Variants in TASP1 observed in about 807,000 individuals in gnomAD.
TASP1 encodes the protein threonine aspartase 1.
A neutral mutation model predicts 56.6 loss-of-function variants in TASP1; 16 were observed. That is an observed-to-expected ratio of 0.28 (90% CI 0.19 to 0.43). The LOEUF is 0.43. TASP1 is among the 20% of genes least tolerant of loss of function. TASP1 has a pLI of 1.00. For synonymous variants in TASP1, 179 were observed against 184.2 expected, an observed-to-expected ratio of 0.97 and a Z score of 0.23; for missense variants, 393 against 511.6, an observed-to-expected ratio of 0.77 and a Z score of 2.24.
chr20:13,576,634 C>A (rs4814246), intron 6 of TASP1, among the ~76,000 whole-genome samples: 91,697 of 151,890 alleles, frequency 0.6, 28,476 homozygotes, highest in Non-Finnish European at 0.68. Flanking sequence ...CAGTTGGGAG[C>A]GTTTAAAAAT....
intron 4 of TASP1, among the ~76,000 whole-genome samples, chr20:13,595,439 T>C (rs1347909460): frequency 6.6e-6 from 1 of 152,132 alleles, no homozygotes; most frequent in African/African-American, 2.4e-5. Flanking sequence ...GCAAATTGTA[T>C]AAAGAGTCAA....
At chr20:13,407,946 T>C (rs560884907) in intron 13 of TASP1, among the ~76,000 whole-genome samples, 1 of 152,324 alleles carries the variant, frequency 6.6e-6, no homozygotes, top group Non-Finnish European at 1.5e-5. Flanking sequence ...GTAAGAGTTC[T>C]ATATATGTTC....
chr20:13,299,652 C>T, the TASP1 span: 3 of 553,662 alleles, frequency 5.4e-6, no homozygotes, highest in Non-Finnish European at 9.3e-6. This position sits in a 1 kb window ranked among gnomAD's most constrained non-coding sequence, Gnocchi z 5.8. Context: ...GCCGCCCTCG[C>T]CATCTGCAGA....
At chr20:13,191,543 T>A in the TASP1 span, among the ~76,000 whole-genome samples, 1 of 152,270 alleles carries the variant, frequency 6.6e-6, no homozygotes, top group East Asian at 1.9e-4. Flanking sequence ...AAACGTTGGT[T>A]ACATAGAAGT....
intron 4 of TASP1, among the ~76,000 whole-genome samples, chr20:13,597,571 T>C (rs1430885623): frequency 6.6e-6 from 1 of 152,114 alleles, no homozygotes; most frequent in African/African-American, 2.4e-5. Context: ...CCACAGCCAA[T>C]ATCATACTGG....
the TASP1 span, among the ~76,000 whole-genome samples, chr20:13,245,025 A>G: frequency 6.6e-6 from 1 of 152,374 alleles, no homozygotes; most frequent in African/African-American, 2.4e-5. Flanking sequence ...AAGAAAGAAC[A>G]TGCACAACTT....
chr20:13,485,999 G>C (rs1487392016), intron 10 of TASP1, among the ~76,000 whole-genome samples: 2 of 152,134 alleles, frequency 1.3e-5, no homozygotes, highest in African/African-American at 2.4e-5. Context: ...TATATATACA[G>C]AGCTTTCCAA....
the TASP1 span, chr20:13,164,324 G>C: frequency 4.2e-6 from 2 of 471,716 alleles, no homozygotes; most frequent in Non-Finnish European, 8.8e-6. Context: ...ATGTTAATCA[G>C]CTCCCGCAAC....
At chr20:13,404,808 T>C (rs575615889) in intron 13 of TASP1, among the ~76,000 whole-genome samples, 4 of 152,286 alleles carry the variant, frequency 2.6e-5, no homozygotes, top group African/African-American at 9.6e-5. Context: ...TCTATATCAA[T>C]TTTGATTTCT....
At chr20:13,528,359 C>A (rs1246289768) in intron 10 of TASP1, 74 bp downstream of exon 10, 12 of 1,328,926 alleles carry the variant, frequency 9.0e-6, no homozygotes, top group Non-Finnish European at 1.3e-5. Flanking sequence ...TGTTTACCCA[C>A]AAATATTGCT....
intron 1 of TASP1, among the ~76,000 whole-genome samples, chr20:13,636,528 C>G (rs2049317829): frequency 6.6e-6 from 1 of 151,944 alleles, no homozygotes; most frequent in Non-Finnish European, 1.5e-5. Flanking sequence ...CCAGGACATA[C>G]TTAAATTCAT....
At chr20:13,151,592 G>A in the TASP1 span, among the ~76,000 whole-genome samples, 2 of 152,202 alleles carry the variant, frequency 1.3e-5, no homozygotes, top group Non-Finnish European at 2.9e-5. Context: ...GGGGCATTTA[G>A]CATCCTCCTC....
downstream of TASP1, among the ~76,000 whole-genome samples, chr20:13,386,457 A>G (rs1045523801): frequency 2.7e-5 from 4 of 145,510 alleles, no homozygotes; most frequent in African/African-American, 1.1e-4. Flanking sequence ...TTTTCCTAAT[A>G]AGCAGACTAC....
chr20:13,342,071 C>T, the TASP1 span, among the ~76,000 whole-genome samples: 2 of 152,134 alleles, frequency 1.3e-5, no homozygotes, highest in African/African-American at 4.8e-5. Context: ...GTATAGCAGG[C>T]GAGGAACTAG....
chr20:13,225,447 A>C, the TASP1 span, among the ~76,000 whole-genome samples: 1 of 152,224 alleles, frequency 6.6e-6, no homozygotes, highest in East Asian at 1.9e-4. Context: ...ATACACATAC[A>C]TTATATATAC....
At chr20:13,205,243 A>G in the TASP1 span, among the ~76,000 whole-genome samples, 1 of 152,174 alleles carries the variant, frequency 6.6e-6, no homozygotes, top group African/African-American at 2.4e-5. Context: ...CCCCATTTCT[A>G]TGCCTTGGAG....
intron 11 of TASP1, among the ~76,000 whole-genome samples, chr20:13,445,543 G>C (rs1169899362): frequency 1.3e-5 from 2 of 152,146 alleles, no homozygotes; most frequent in Non-Finnish European, 2.9e-5. Flanking sequence ...GTGAACTGCT[G>C]ACCAAGGGAG....
At chr20:13,299,575 AC>A in the TASP1 span, 7 of 959,382 alleles carry the variant, frequency 7.3e-6, no homozygotes, top group Non-Finnish European at 9.4e-6. The surrounding 1 kb of genome is among the most constrained non-coding windows in gnomAD (Gnocchi z 5.8). Flanking sequence ...ATTTGTATAT[AC>A]CACATGAGTA....
At chr20:13,442,596 C>T (rs1196576821) in intron 11 of TASP1, among the ~76,000 whole-genome samples, 2 of 151,450 alleles carry the variant, frequency 1.3e-5, no homozygotes, top group Non-Finnish European at 2.9e-5. Context: ...GAGCCGATAT[C>T]GTGCCCCCGC....
Sources: allele counts gnomAD v4.1 joint callset (sites outside exome capture counted in the v4.1 genomes callset), GRCh38; gene constraint gnomAD v4.1.1; non-coding constraint Gnocchi (gnomAD v3.1); transcripts MANE v1.5; gene names NCBI Gene and HGNC (gene_info 2026-07-23, HGNC 2026-07-21).